ATL2: variants seen among roughly 807,000 people sequenced by gnomAD.
ATL2 encodes the protein atlastin GTPase 2.
A neutral mutation model predicts 73.9 loss-of-function variants in ATL2; 31 were observed. The observed-to-expected ratio is 0.42, with a 90% CI of 0.32 to 0.57. The LOEUF (loss-of-function observed/expected upper bound fraction) is 0.57. Among genes scored for constraint, ATL2 ranks in the 20% least tolerant of loss-of-function variants. The pLI, the probability that ATL2 is intolerant of heterozygous loss-of-function variation, is 0.14. For synonymous variants in ATL2, 291 were observed against 237.5 expected, an observed-to-expected ratio of 1.23 and a Z score of -2.07; for missense variants, 738 against 702.6, an observed-to-expected ratio of 1.05 and a Z score of -0.57.
At chr2:38,351,585 C>G (rs1670350160) in intron 1 of ATL2, among the ~76,000 whole-genome samples, 1 of 151,770 alleles carries the variant, frequency 6.6e-6, no homozygotes, top group Non-Finnish European at 1.5e-5. Context: ...CCTCCACCTC[C>G]CAGGTTCAAG....
intron 1 of ATL2, among the ~76,000 whole-genome samples, chr2:38,376,774 C>T (rs1035412836): frequency 6.6e-6 from 1 of 151,870 alleles, no homozygotes; most frequent in East Asian, 1.9e-4. Flanking sequence ...GGAGCGGAGC[C>T]GCAGCCGACC....
intron 2 of ATL2, among the ~76,000 whole-genome samples, chr2:38,339,570 GA>G (rs1213307953): frequency 6.6e-6 from 1 of 151,738 alleles, no homozygotes; most frequent in African/African-American, 2.4e-5. Context: ...TGTTAAAAAT[GA>G]AAAAAACACT....
chr2:38,353,614 T>G (rs1428216295), intron 1 of ATL2, among the ~76,000 whole-genome samples: 1 of 152,044 alleles, frequency 6.6e-6, no homozygotes, highest in African/African-American at 2.4e-5. Flanking sequence ...AGTACGGTAA[T>G]ACAAAGAAAA....
Position 38,333,737 on chromosome 2 carries a change from G to T in ATL2, c.363+9531C>A, listed in dbSNP as rs143842746. ...GACTTAAAGCTGGAAAAGCTGCAAA[G>T]GACAGAGTATTTTCAGGCAACAGGT... On this transcript the variant is annotated intron_variant, in intron 2 of 12. Transcript: ENST00000378954. 1.6e-3 allele frequency among the ~76,000 whole-genome samples: 244 copies of T among 152,310 alleles called. 3 individuals are homozygous for T. Among genetic ancestry groups the T allele is most frequent in the African/African-American group, 5.7e-3 (237 of 41,560 alleles).
rs1419315575 is a variant in ATL2 at position 38,295,123 on chromosome 2, T to C, written c.*871A>G. 1 of 152,192 alleles carries C rather than the reference T, an allele frequency of 6.6e-6. No homozygotes were observed. Among genetic ancestry groups the C allele is most frequent in the East Asian group, 1.9e-4 (1 of 5,204 alleles). The allele number at this position is 152,192 out of a possible 1,614,324, so 9.4% of individuals were successfully genotyped here. A position where few individuals can be genotyped will look rare whatever the true frequency, so the allele number is the denominator to read the frequency against. On this transcript the variant is annotated 3_prime_UTR_variant, in exon 13 of 13. Transcript: ENST00000378954. ...AACATTCCTTTCACAGGGACAGTAC[T>C]TATTTAGCCTACCACAGGACCAGAT... is the stretch of plus-strand genomic sequence containing the variant.
chr2:38,297,137 C>A (rs562674028), intron 12 of ATL2, among the ~76,000 whole-genome samples: 49 of 152,230 alleles, frequency 3.2e-4, no homozygotes, highest in Admixed American at 8.5e-4. Context: ...AGAGTAAACA[C>A]AAAATCCAAA....
rs569838211 is a variant in ATL2 at position 38,321,708 on chromosome 2, CTTTTTCTTT to C, written c.364-2698_364-2690del. The stretch of plus-strand genomic sequence containing the variant: ...CTGCTGCATAACAATCCTTTTTTCT[CTTTTTCTTT>C]TTTTTCTTTTTTTGAGACAGGGTCT... On this transcript the variant is annotated intron_variant, in intron 2 of 12. Transcript: ENST00000378954. Among the ~76,000 whole-genome samples the C allele has an allele frequency of 1.6e-4, 25 of 152,110 alleles. No homozygotes were observed. In the East Asian group the frequency reaches 3.3e-3, roughly 20 times the overall value.
chr2:38,295,854 CTG>C lies in ATL2; in HGVS notation c.*138_*139del. 1.5e-6 allele frequency: 1 copy of C among 673,568 alleles called. No homozygotes were observed. Among genetic ancestry groups the C allele is most frequent in the South Asian group, 2.1e-5 (1 of 47,730 alleles). 41.7% of individuals were successfully genotyped at this position (673,568 alleles called of 1,614,324 possible). A position where few individuals can be genotyped will look rare whatever the true frequency, so the allele number is the denominator to read the frequency against. ...AAAACTAACAAACAATCTTCACACT[CTG>C]TGGCAGCCATCTGTGAAGCCAGTTA... is the stretch of plus-strand genomic sequence containing the variant. On this transcript the variant is annotated 3_prime_UTR_variant, in exon 13 of 13. Coordinates refer to ENST00000378954, the MANE Select transcript of ATL2 (RefSeq NM_001135673.4).
rs537297281 is a variant in ATL2, at chr2:38,376,392, A to G, written c.118+751T>C. The G allele has an allele frequency of 1.8e-4, 88 of 501,090 alleles. 1 individual carries two copies. The highest frequency in any genetic ancestry group is 4.7e-4 in the Admixed American group (14 of 29,544). 31.0% of individuals were successfully genotyped at this position (501,090 alleles called of 1,614,324 possible). On this transcript the variant is annotated intron_variant, in intron 1 of 12. Transcript: ENST00000378954. ...GGAGCCAAGGATCAGGTGACTTCAC[A>G]CTACAGACACTTTCAGAGTGATCAG... is the stretch of plus-strand genomic sequence containing the variant.
chr2:38,300,344 A>C lies in ATL2; in HGVS notation c.1072-16T>G, dbSNP rs777247121. ...TGATGTAAGCCTAAAAAGGGAGAAGATTTGTTAGACTGACGGATTATGCAA... is the reference window on the plus strand; with the variant it reads ...TGATGTAAGCCTAAAAAGGGAGAAGCTTTGTTAGACTGACGGATTATGCAA... On this transcript the variant is annotated splice_polypyrimidine_tract_variant and intron_variant, in intron 9 of 12. Coordinates refer to ENST00000378954, the MANE Select transcript of ATL2 (RefSeq NM_001135673.4). 5.0e-6 allele frequency: 8 copies of C among 1,594,248 alleles called. No individual in the cohort carries two copies. Among genetic ancestry groups the C allele is most frequent in the Non-Finnish European group, 6.9e-6 (8 of 1,162,488 alleles).
intron 9 of ATL2, among the ~76,000 whole-genome samples, chr2:38,307,996 A>T (rs918815695): frequency 2.0e-5 from 3 of 152,046 alleles, no homozygotes; most frequent in African/African-American, 7.2e-5. Flanking sequence ...ATCTTCGTAC[A>T]CTGTTGGCAG....
intron 1 of ATL2, among the ~76,000 whole-genome samples, chr2:38,366,306 A>G (rs553324718): frequency 6.6e-6 from 1 of 152,324 alleles, no homozygotes; most frequent in South Asian, 2.1e-4. Context: ...GGAATTATCC[A>G]GTTACTTAAA....
rs771459737 is a variant in ATL2 at position 38,309,393 on chromosome 2, C to T, written c.1057G>A (p.Val353Ile). 1.2e-6 allele frequency: 2 copies of T among 1,608,692 alleles called. No homozygotes were observed. Among genetic ancestry groups the T allele is most frequent in the Admixed American group, 1.7e-5 (1 of 59,336 alleles). ...AGCTCACCTACCTTAAAATATTCTA[C>T]AAGATCTCTACAAGTGACTTTAGAT... Reference protein sequence around the residue: ...SGSKVTCRDLVEYFKAYIKIY... With the variant: ...SGSKVTCRDLIEYFKAYIKIY... The change falls in exon 9 of 13, where the codon GTA (valine) becomes ATA (isoleucine). Residue 353 changes from valine to isoleucine, a missense_variant. By Grantham distance (29) the Val-to-Ile change is conservative. Coordinates refer to ENST00000378954, the MANE Select transcript of ATL2 (RefSeq NM_001135673.4).
intron 11 of ATL2, 80 bp downstream of exon 11, chr2:38,299,176 T>A: frequency 1.5e-6 from 2 of 1,328,508 alleles, no homozygotes; most frequent in Non-Finnish European, 2.0e-6. Flanking sequence ...CTCAATTATT[T>A]AAAAAATTTT....
intron 1 of ATL2, among the ~76,000 whole-genome samples, chr2:38,356,044 C>CA (rs1196696154): frequency 6.6e-6 from 1 of 151,290 alleles, no homozygotes; most frequent in African/African-American, 2.4e-5. Context: ...AATAAGAAAA[C>CA]AAAAAATTAC....
intron 2 of ATL2, among the ~76,000 whole-genome samples, chr2:38,326,753 C>T (rs1457031539): frequency 1.3e-5 from 2 of 151,920 alleles, no homozygotes; most frequent in African/African-American, 4.8e-5. Context: ...TCGGGGAGGC[C>T]GAGGCAGGTG....
intron 2 of ATL2, among the ~76,000 whole-genome samples, chr2:38,330,291 C>G (rs745482058): frequency 6.7e-6 from 1 of 149,780 alleles, no homozygotes; most frequent in African/African-American, 2.5e-5. Context: ...ACAAAAAATC[C>G]TACAGCTAAC....
intron 1 of ATL2, chr2:38,359,642 G>A (rs1670889560): frequency 6.6e-6 from 1 of 152,080 alleles, no homozygotes; most frequent in South Asian, 2.1e-4. Flanking sequence ...TGATGTCACA[G>A]AATTTTTGCT....
chr2:38,356,071 T>C lies in ATL2; in HGVS notation c.119-12559A>G, dbSNP rs184409548. ...AAAAATTACTATTAAGAATATAGAA[T>C]AGACAACCCTACCCACAAGAAAAAT... On this transcript the variant is annotated intron_variant, in intron 1 of 12. Coordinates refer to ENST00000378954, the MANE Select transcript of ATL2 (RefSeq NM_001135673.4). Among the ~76,000 whole-genome samples the C allele has an allele frequency of 3.1e-4, 47 of 152,092 alleles. No homozygotes were observed. In the East Asian group the frequency reaches 7.4e-3, roughly 24 times the overall value.
Sources: gnomAD v4.1 joint callset for allele counts (sites outside exome capture counted in the v4.1 genomes callset) on GRCh38, gnomAD v4.1.1 for gene constraint, MANE v1.5 for transcripts, NCBI Gene and HGNC (gene_info 2026-07-23, HGNC 2026-07-21) for gene names.